Variants in FBN2 observed in about 807,000 individuals in gnomAD.
The protein encoded by FBN2 is fibrillin 2.
Under a neutral mutation model 355.6 loss-of-function variants are expected in FBN2, and 105 were observed. That is an observed-to-expected ratio of 0.30 (90% confidence interval 0.25 to 0.35). FBN2 has a LOEUF of 0.35. FBN2 is among the 10% of genes least tolerant of loss of function. The probability of loss-of-function intolerance (pLI) is 1.00; values close to 1 mark genes in which losing one functional copy is unlikely to be tolerated. For synonymous variants in FBN2, 1,350 were observed against 1,301.2 expected (o/e 1.04, Z -0.81); for missense variants, 3,280 against 3,758.7 (o/e 0.87, Z 3.33).
At chr5:128,401,903 A>T (rs1282334805) in intron 8 of FBN2, among the ~76,000 whole-genome samples, 1 of 152,216 alleles carries the variant, frequency 6.6e-6, no homozygotes, top group Non-Finnish European at 1.5e-5. Flanking sequence ...GCAGCAACAG[A>T]GGACTGCAAA....
At chr5:128,266,130 G>C (rs1406907015) in intron 62 of FBN2, among the ~76,000 whole-genome samples, 2 of 152,152 alleles carry the variant, frequency 1.3e-5, no homozygotes, top group South Asian at 2.1e-4. Flanking sequence ...CCATATGTTT[G>C]AGTTAAAAAT....
intron 34 of FBN2, among the ~76,000 whole-genome samples, chr5:128,327,516 T>A (rs1750584101): frequency 6.6e-6 from 1 of 152,060 alleles, no homozygotes; most frequent in Non-Finnish European, 1.5e-5. Context: ...TAGATACTGA[T>A]GTAGGGGGAA....
At chr5:128,326,922 C>T (rs1168071179) in intron 34 of FBN2, among the ~76,000 whole-genome samples, 1 of 152,114 alleles carries the variant, frequency 6.6e-6, no homozygotes, top group African/African-American at 2.4e-5. Flanking sequence ...AGGGCCTATG[C>T]CACCCATAAA....
At chr5:128,532,001 G>A (rs1756722870) in intron 2 of FBN2, among the ~76,000 whole-genome samples, 1 of 152,134 alleles carries the variant, frequency 6.6e-6, no homozygotes, top group South Asian at 2.1e-4. Flanking sequence ...AAGTAGTTGG[G>A]AGGGTTGCAG....
At chr5:128,412,616 T>G (rs946950925) in intron 7 of FBN2, among the ~76,000 whole-genome samples, 6 of 152,060 alleles carry the variant, frequency 3.9e-5, no homozygotes, top group African/African-American at 1.4e-4. Flanking sequence ...GGCAACTGGG[T>G]CTGAAAATAC....
At chr5:128,389,387 C>T (rs547326099) in intron 11 of FBN2, among the ~76,000 whole-genome samples, 3 of 152,300 alleles carry the variant, frequency 2.0e-5, no homozygotes, top group South Asian at 4.1e-4. Context: ...GGCAAAGGAG[C>T]TATGGTGGTG....
intron 34 of FBN2, 69 bp from the exon 35 acceptor site, chr5:128,319,070 CATT>C: frequency 1.6e-6 from 2 of 1,274,884 alleles, no homozygotes; most frequent in Non-Finnish European, 2.3e-6. Flanking sequence ...TAATGTCTAA[CATT>C]AGCGCATTTT....
chr5:128,317,186 G>A (rs1469112699), intron 36 of FBN2, among the ~76,000 whole-genome samples: 3 of 151,978 alleles, frequency 2.0e-5, no homozygotes, highest in Non-Finnish European at 2.9e-5. Flanking sequence ...ATAACATAGC[G>A]CTTCTCCTCC....
chr5:128,451,138 G>T (rs191350969), intron 6 of FBN2, among the ~76,000 whole-genome samples: 85 of 152,140 alleles, frequency 5.6e-4, no homozygotes, highest in African/African-American at 1.9e-3. Flanking sequence ...TTTTTGGTAA[G>T]CTCAAAAGTT....
rs998086640 is a variant in FBN2, at chr5:128,350,965, G to T, written c.2715C>A (p.Ser905Arg). The change falls in exon 21 of 65, where the codon AGC becomes AGA. Residue 905 changes from serine (S) to arginine (R), a missense_variant. Transcript: ENST00000262464. ...KGTCWLNIQD[S>R]RCEVNINGAT... ...CTCCATTAATATTCACCTCACAGCGGCTGTCCTGGATGTTGAGCCAACAGG... is the reference window on the plus strand; with the variant it reads ...CTCCATTAATATTCACCTCACAGCGTCTGTCCTGGATGTTGAGCCAACAGG... 3 of 1,614,168 alleles carry T rather than the reference G, an allele frequency of 1.9e-6. No individual in the cohort carries two copies. Among genetic ancestry groups the T allele is most frequent in the South Asian group, 2.2e-5 (2 of 91,078 alleles).
chr5:128,310,231 TA>T (rs1395700966), intron 39 of FBN2, 123 bp from the exon 40 acceptor site: 8 of 809,034 alleles, frequency 9.9e-6, no homozygotes, highest in African/African-American at 1.7e-5. Context: ...AACTTAGAAA[TA>T]AAGAAAATAT....
intron 3 of FBN2, among the ~76,000 whole-genome samples, chr5:128,529,923 T>C (rs142495950): frequency 2.0e-5 from 3 of 152,312 alleles, no homozygotes; most frequent in African/African-American, 7.2e-5. Context: ...GAGTCAGACA[T>C]ACTATATTAC....
chr5:128,264,193 T>G (rs1478881388), intron 62 of FBN2, among the ~76,000 whole-genome samples: 2 of 152,172 alleles, frequency 1.3e-5, no homozygotes, highest in Non-Finnish European at 1.5e-5. Flanking sequence ...ATATATCAAT[T>G]AAAAAAGTCC....
Position 128,300,926 on chromosome 5 carries a change from C to T in FBN2, c.6057G>A (p.Glu2019=), listed in dbSNP as rs752114619. 4.6e-5 allele frequency: 75 copies of T among 1,613,454 alleles called. No individual in the cohort carries two copies. Among genetic ancestry groups the T allele is most frequent in the Non-Finnish European group, 6.2e-5 (73 of 1,179,510 alleles). ...PDGKNCIDTN[E]CVALPGSCSP... ...AGCAAGAGCCGGGAAGGGCGACACA[C>T]TCATTAGTGTCTTTAGAGAAAAAGA... The change falls in exon 48 of 65, where the codon GAG becomes GAA. Residue 2019 remains glutamate (E), a synonymous_variant. Coordinates refer to ENST00000262464, the MANE Select transcript of FBN2 (RefSeq NM_001999.4).
At chr5:128,292,117 C>G (rs1749341283) in intron 48 of FBN2, among the ~76,000 whole-genome samples, 1 of 152,156 alleles carries the variant, frequency 6.6e-6, no homozygotes, top group Non-Finnish European at 1.5e-5. Context: ...CTTCCACAGC[C>G]ATCATCATTT....
In FBN2 at chr5:128,291,463, G is replaced by T. The variant is rs1749319749; in HGVS notation, c.6292+66C>A. The stretch of plus-strand genomic sequence containing the variant: ...TTGTTAGGACTAATACCAGCATGAT[G>T]GTTTACAATTCAGCTTTAAAGTTTC... On this transcript the variant is annotated intron_variant, in intron 49 of 64. Transcript: ENST00000262464. 5.8e-6 allele frequency: 9 copies of T among 1,564,916 alleles called. No homozygotes were observed. In the South Asian group the frequency reaches 8.9e-5, roughly 16 times the overall value.
chr5:128,469,870 A>AT (rs1754809666), intron 5 of FBN2, among the ~76,000 whole-genome samples: 1 of 152,148 alleles, frequency 6.6e-6, no homozygotes, highest in Non-Finnish European at 1.5e-5. Flanking sequence ...TTTTAGGTTC[A>AT]TTTTTCAACA....
chr5:128,373,211 T>C (rs1362140845), intron 15 of FBN2, among the ~76,000 whole-genome samples: 1 of 152,170 alleles, frequency 6.6e-6, no homozygotes, highest in Non-Finnish European at 1.5e-5. Flanking sequence ...AGAAAAATAA[T>C]TTCTCCCTCC....
chr5:128,335,703 TTATC>T (rs1311535845), intron 28 of FBN2, 126 bp from the exon 29 acceptor site: 9 of 1,160,808 alleles, frequency 7.8e-6, no homozygotes, highest in Non-Finnish European at 1.0e-5. Context: ...TGATTGAACA[TTATC>T]TTTCTTAGTT....
Sources: gnomAD v4.1 joint callset for allele counts (sites outside exome capture counted in the v4.1 genomes callset) on GRCh38, gnomAD v4.1.1 for gene constraint, MANE v1.5 for transcripts, NCBI Gene and HGNC (gene_info 2026-07-23, HGNC 2026-07-21) for gene names.